The following SDHA variants were observed in gnomAD, a reference collection of about 807,000 sequenced individuals.
SDHA encodes succinate dehydrogenase complex flavoprotein subunit A.
In SDHA, 48 loss-of-function variants were observed where a neutral mutation model predicts 78.4. The observed-to-expected ratio is 0.61, with a 90% CI of 0.49 to 0.78. The LOEUF (loss-of-function observed/expected upper bound fraction) is 0.78, where lower values mean the gene tolerates loss of function less well. Among genes scored for constraint, SDHA ranks in the 30% least tolerant of loss-of-function variants. The pLI is 0.00. For synonymous variants in SDHA, 326 were observed against 353.9 expected, an observed-to-expected ratio of 0.92 and a Z score of 0.88; for missense variants, 680 against 892.7, an observed-to-expected ratio of 0.76 and a Z score of 3.04.
intron 7 of SDHA, among the ~76,000 whole-genome samples, chr5:232,222 T>C (rs1735451339): frequency 6.6e-6 from 1 of 152,130 alleles, no homozygotes; most frequent in South Asian, 2.1e-4. Context: ...TTTTTTTTAT[T>C]TGTTTCGAGA....
chr5:234,761 T>G (rs1029858586), intron 8 of SDHA: 42 of 322,144 alleles, frequency 1.3e-4, no homozygotes, highest in African/African-American at 1.5e-4. Context: ...TATTAGGGAC[T>G]TGAGCATCCA....
intron 6 of SDHA, among the ~76,000 whole-genome samples, chr5:229,359 T>C (rs1735239759): frequency 6.6e-6 from 1 of 152,236 alleles, no homozygotes; most frequent in African/African-American, 2.4e-5. Context: ...GGAAACAACC[T>C]AAATATGTGT....
At chr5:247,597 G>T (rs991703569) in intron 11 of SDHA, among the ~76,000 whole-genome samples, 29 of 152,220 alleles carry the variant, frequency 1.9e-4, no homozygotes, top group Non-Finnish European at 3.8e-4. Context: ...GTTAATCCTC[G>T]AAGATTGGAA....
intron 4 of SDHA, 110 bp from the exon 5 acceptor site, chr5:225,773 G>A: frequency 3.5e-6 from 5 of 1,441,892 alleles, no homozygotes; most frequent in African/African-American, 1.4e-5. Flanking sequence ...TCATAAAATA[G>A]GTTACTTTGG....
intron 1 of SDHA, among the ~76,000 whole-genome samples, chr5:219,145 C>T (rs997334160): frequency 3.9e-5 from 6 of 152,198 alleles, no homozygotes; most frequent in Admixed American, 1.3e-4. Context: ...AAAACTCAGG[C>T]GGAGAGCTCA....
intron 13 of SDHA, among the ~76,000 whole-genome samples, chr5:252,213 A>G (rs56922873): frequency 0.15 from 13,731 of 93,484 alleles, 2,550 homozygotes; most frequent in African/African-American, 0.42. Flanking sequence ...CTGCCCTGTG[A>G]AGGAAATGCC....
At chr5:235,590 T>C (rs1199951903) in intron 9 of SDHA, 1 of 533,556 alleles carries the variant, frequency 1.9e-6, no homozygotes, top group Non-Finnish European at 3.4e-6. Context: ...TACTTTCCTA[T>C]ATGATCTTGT....
chr5:266,849 G>A, the SDHA span, among the ~76,000 whole-genome samples: 7 of 149,950 alleles, frequency 4.7e-5, no homozygotes, highest in East Asian at 7.7e-4. Context: ...GACCCTCGCC[G>A]TCCCGTGCAG....
the SDHA span, among the ~76,000 whole-genome samples, chr5:263,092 A>C: frequency 5.1e-4 from 77 of 151,990 alleles, no homozygotes; most frequent in Admixed American, 2.2e-3. Context: ...GGTGTGAGCC[A>C]CCATGCCTGG....
At position 230,858 on chromosome 5, in the gene SDHA, GCT is replaced by G; in HGVS notation, c.771-13_771-12del. The G allele has an allele frequency of 6.2e-7, 1 of 1,613,442 alleles. No individual in the cohort carries two copies. The highest frequency in any genetic ancestry group is 8.5e-7 in the Non-Finnish European group (1 of 1,179,470). ...ATGTGGGCCGCTGTGTGCAGTCACT[GCT>G]CTCTATTGTTTCCAGAGGCTACGGG... On this transcript the variant is annotated splice_polypyrimidine_tract_variant and intron_variant, in intron 6 of 14. Transcript: ENST00000264932.
chr5:241,037 G>T (rs144802459), intron 11 of SDHA, among the ~76,000 whole-genome samples: 4 of 151,756 alleles, frequency 2.6e-5, no homozygotes. Context: ...ACTCCTCACC[G>T]TATCAAGAAT....
chr5:218,404 G>C lies in SDHA; in HGVS notation c.49G>C (p.Ala17Pro). 1 of 1,445,696 alleles carries C rather than the reference G, an allele frequency of 6.9e-7. No individual in the cohort carries two copies. The highest frequency in any genetic ancestry group is 1.5e-5 in the African/African-American group (1 of 67,982). The allele number at this position is 1,445,696 out of a possible 1,614,324, so 89.6% of individuals were successfully genotyped here. Reference sequence around the variant, plus strand: ...GCGGCTGCTGAGCGCTCGGCGCCTGGCGCTGGCCAAGGCGGTGAGTCCGTG... The same window carrying C: ...GCGGCTGCTGAGCGCTCGGCGCCTGCCGCTGGCCAAGGCGGTGAGTCCGTG... ...LSRLLSARRL[A>P]LAKAWPTVLQ... The change falls in exon 1 of 15, where the codon GCG (alanine) becomes CCG (proline). Residue 17 changes from alanine to proline, a missense_variant. Physicochemically the swap from Ala to Pro is conservative, Grantham distance 27. Transcript: ENST00000264932.
the SDHA span, among the ~76,000 whole-genome samples, chr5:263,815 G>C: frequency 6.6e-6 from 1 of 152,030 alleles, no homozygotes; most frequent in Non-Finnish European, 1.5e-5. Flanking sequence ...TCTAACAAAA[G>C]TATGTGGCAT....
chr5:223,637 T>G (rs1734840463), intron 2 of SDHA, 69 bp downstream of exon 2: 2 of 1,180,852 alleles, frequency 1.7e-6, no homozygotes, highest in Non-Finnish European at 2.5e-6. Context: ...CTATACCAGT[T>G]TGTTTTCATA....
chr5:231,588 G>T (rs1043794233), intron 7 of SDHA, among the ~76,000 whole-genome samples: 1 of 151,658 alleles, frequency 6.6e-6, no homozygotes, highest in East Asian at 1.9e-4. Flanking sequence ...AGTAAAGCAG[G>T]GATTGTTCAG....
At chr5:257,785 T>G (rs1209647921), downstream of SDHA, among the ~76,000 whole-genome samples, 1 of 75,950 alleles carries the variant, frequency 1.3e-5, no homozygotes, top group Admixed American at 1.3e-4. Flanking sequence ...AGCATTACCT[T>G]GTGAGCTCCA....
downstream of SDHA, among the ~76,000 whole-genome samples, chr5:258,291 C>T (rs1168281961): frequency 1.5e-5 from 2 of 129,668 alleles, no homozygotes; most frequent in Non-Finnish European, 3.1e-5. Flanking sequence ...ATGTGAGCTC[C>T]GCCCCCTGCC....
chr5:239,134 G>A (rs867192045), intron 10 of SDHA, among the ~76,000 whole-genome samples: 28 of 151,200 alleles, frequency 1.9e-4, no homozygotes, highest in African/African-American at 6.9e-4. Context: ...TGGAGAGGTG[G>A]TGGGCGGGGT....
At chr5:267,201 T>C in the SDHA span, among the ~76,000 whole-genome samples, 1 of 152,274 alleles carries the variant, frequency 6.6e-6, no homozygotes, top group Non-Finnish European at 1.5e-5. Context: ...TACTGAATTC[T>C]AGCAGAAGAA....
Sources: gnomAD v4.1 joint callset for allele counts (sites outside exome capture counted in the v4.1 genomes callset) on GRCh38, gnomAD v4.1.1 for gene constraint, MANE v1.5 for transcripts, NCBI Gene and HGNC (gene_info 2026-07-23, HGNC 2026-07-21) for gene names.